Variants in TUSC3 observed in about 807,000 individuals in gnomAD.
TUSC3 encodes the protein dolichyl-diphosphooligosaccharide--protein glycosyltransferase subunit TUSC3.
TUSC3 carries 45 observed loss-of-function variants against 44.8 expected under a neutral mutation model. The ratio of observed to expected loss-of-function variants is 1.00; its 90% CI spans 0.79 to 1.29. TUSC3 has a LOEUF of 1.29. Ranked by LOEUF, TUSC3 falls within the 50% of genes most tolerant of loss-of-function variation. The probability of loss-of-function intolerance (pLI) is 0.00; values close to 1 mark genes in which losing one functional copy is unlikely to be tolerated. For synonymous variants in TUSC3, 212 were observed against 152.9 expected (o/e 1.39, Z -2.85); for missense variants, 519 against 437.9 (o/e 1.19, Z -1.65).
intron 10 of TUSC3, among the ~76,000 whole-genome samples, chr8:15,761,497 T>C (rs764155729): frequency 2.0e-5 from 3 of 152,334 alleles, no homozygotes; most frequent in Non-Finnish European, 4.4e-5. Flanking sequence ...TTTGCTACTC[T>C]TGCCAATTAG....
chr8:15,439,031 G>A lies in TUSC3; in HGVS notation n.91+21726G>A, dbSNP rs1265935906. 2.6e-5 allele frequency among the ~76,000 whole-genome samples: 4 copies of A among 152,168 alleles called. No homozygotes were observed. The East Asian group carries it at 7.7e-4, about 29-fold the overall frequency. ...ATACCCTCTGACCGGAAGGAGCAAG[G>A]ATTGAACCCAGAGAGAGAGGGCTAT... On this transcript the variant is annotated intron_variant and non_coding_transcript_variant, in intron 1 of 5. Coordinates refer to the TUSC3 transcript ENST00000503191.
At chr8:15,509,763 C>T (rs550564260) in intron 2 of TUSC3, among the ~76,000 whole-genome samples, 3 of 152,282 alleles carry the variant, frequency 2.0e-5, no homozygotes, top group Admixed American at 2.0e-4. Context: ...TATTACATCC[C>T]TATCCATTAA....
At chr8:15,806,374 A>C in the TUSC3 span, 2 of 736,740 alleles carry the variant, frequency 2.7e-6, no homozygotes, top group African/African-American at 3.5e-5. Flanking sequence ...TACTTGCCCA[A>C]CTCTGCCTCC....
At chr8:15,730,133 A>G (rs537644127) in intron 6 of TUSC3, among the ~76,000 whole-genome samples, 48 of 152,162 alleles carry the variant, frequency 3.2e-4, no homozygotes, top group Admixed American at 5.9e-4. Context: ...TGGATTTTCT[A>G]TAATCAACTG....
chr8:15,443,080 C>T (rs1431394571), intron 1 of TUSC3, among the ~76,000 whole-genome samples: 1 of 152,146 alleles, frequency 6.6e-6, no homozygotes, highest in East Asian at 1.9e-4. Context: ...CAGAGTTCAG[C>T]TCAGTTGTAT....
At chr8:15,756,261 C>T (rs1276040476) in intron 9 of TUSC3, among the ~76,000 whole-genome samples, 3 of 152,076 alleles carry the variant, frequency 2.0e-5, no homozygotes, top group Non-Finnish European at 2.9e-5. Context: ...TTCTGCAGCT[C>T]TAGTTACCTC....
chr8:15,742,033 T>A (rs1044520694), intron 7 of TUSC3, among the ~76,000 whole-genome samples: 9 of 152,170 alleles, frequency 5.9e-5, no homozygotes, highest in Non-Finnish European at 1.3e-4. Context: ...CCAAAACACT[T>A]TAAGAATAAT....
At chr8:15,591,282 G>GT (rs1803828320) in intron 1 of TUSC3, among the ~76,000 whole-genome samples, 1 of 151,864 alleles carries the variant, frequency 6.6e-6, no homozygotes, top group South Asian at 2.1e-4. Context: ...ATTTTTAAAG[G>GT]TTTGGATAAA....
intron 6 of TUSC3, among the ~76,000 whole-genome samples, chr8:15,705,612 A>G (rs1254626221): frequency 1.3e-5 from 2 of 152,076 alleles, no homozygotes; most frequent in African/African-American, 2.4e-5. Flanking sequence ...AAAGTTTCTC[A>G]GAAGGCTGAA....
In TUSC3 at chr8:15,554,035, A is replaced by G. The variant is rs145746912; in HGVS notation, c.138+13467A>G. ...ATGGGAGCTGGGAAGTCCAAGATCA[A>G]GGTGACCTCAGATCCGTGTCTGGTG... is the stretch of plus-strand genomic sequence containing the variant. On this transcript the variant is annotated intron_variant, in intron 1 of 10. Coordinates refer to ENST00000503731, the MANE Select transcript of TUSC3 (RefSeq NM_006765.4). 2.7e-3 allele frequency among the ~76,000 whole-genome samples: 405 copies of G among 151,702 alleles called. 3 individuals carry two copies. The highest frequency in any genetic ancestry group is 8.9e-3 in the African/African-American group (371 of 41,512).
intron 2 of TUSC3, among the ~76,000 whole-genome samples, chr8:15,483,857 C>G (rs975086156): frequency 6.6e-6 from 1 of 151,240 alleles, no homozygotes; most frequent in Non-Finnish European, 1.5e-5. Context: ...CGGGGTTTCA[C>G]TGTGTTAGCC....
rs188286222 is a variant in TUSC3 at position 15,467,199 on chromosome 8, C to A, written n.92-16187C>A. On this transcript the variant is annotated intron_variant and non_coding_transcript_variant, in intron 1 of 5. Transcript: ENST00000503191. ...GTGTTTTAAGGGTAGTCAACAAGTA[C>A]GTGCACTACGGTGCTATTCTACTTG... Among the ~76,000 whole-genome samples, 17 of 150,296 alleles carry A rather than the reference C, an allele frequency of 1.1e-4. No homozygotes were observed. The South Asian group carries it at 2.9e-3, about 26-fold the overall frequency.
At chr8:15,509,563 G>T (rs1055082541) in intron 2 of TUSC3, among the ~76,000 whole-genome samples, 4 of 151,990 alleles carry the variant, frequency 2.6e-5, no homozygotes, top group Non-Finnish European at 5.9e-5. Flanking sequence ...AGCCGAGATT[G>T]TGCCACTGCA....
chr8:15,659,753 T>C (rs1563158841), intron 4 of TUSC3, 106 bp downstream of exon 4: 1 of 1,441,504 alleles, frequency 6.9e-7, no homozygotes, highest in African/African-American at 1.4e-5. Context: ...TATGGTTGTT[T>C]CTCCTTGCAT....
At chr8:15,711,463 C>CGTGTGTGTGTGT (rs36058270) in intron 6 of TUSC3, among the ~76,000 whole-genome samples, 12 of 144,978 alleles carry the variant, frequency 8.3e-5, no homozygotes, top group Middle Eastern at 3.6e-3. Flanking sequence ...CAAAAAGGTA[C>CGTGTGTGTGTGT]GTGTGTGTGT....
intron 2 of TUSC3, among the ~76,000 whole-genome samples, chr8:15,634,769 TCTCC>T (rs1805988011): frequency 1.3e-5 from 2 of 152,364 alleles, no homozygotes; most frequent in Admixed American, 1.3e-4. Flanking sequence ...AAAATCATTG[TCTCC>T]ATCTGAGTAT....
the TUSC3 span, among the ~76,000 whole-genome samples, chr8:15,792,503 C>T: frequency 5.3e-5 from 8 of 152,266 alleles, no homozygotes; most frequent in South Asian, 1.0e-3. Flanking sequence ...AATGAGAAGT[C>T]TCATATGAAA....
At chr8:15,609,431 C>T (rs1158598740) in intron 1 of TUSC3, among the ~76,000 whole-genome samples, 1 of 152,136 alleles carries the variant, frequency 6.6e-6, no homozygotes, top group African/African-American at 2.4e-5. Flanking sequence ...AGTAGATTTT[C>T]TTCTAAGCTT....
Position 15,507,674 on chromosome 8 carries a change from A to T in TUSC3, n.189+24191A>T, listed in dbSNP as rs186962438. 1.0e-3 allele frequency among the ~76,000 whole-genome samples: 157 copies of T among 152,324 alleles called. 1 individual carries two copies. Among genetic ancestry groups the T allele is most frequent in the Non-Finnish European group, 3.5e-4 (24 of 68,028 alleles). On this transcript the variant is annotated intron_variant and non_coding_transcript_variant, in intron 2 of 5. Coordinates refer to the TUSC3 transcript ENST00000503191. Reference sequence around the variant, plus strand: ...AAATATGTTATACAAAATACAAAATACAAAAATATGTTATGAGCACTAAGT... The same window carrying T: ...AAATATGTTATACAAAATACAAAATTCAAAAATATGTTATGAGCACTAAGT...
Sources: gnomAD v4.1 joint callset for allele counts (sites outside exome capture counted in the v4.1 genomes callset) on GRCh38, gnomAD v4.1.1 for gene constraint, MANE v1.5 for transcripts, NCBI Gene and HGNC (gene_info 2026-07-23, HGNC 2026-07-21) for gene names.